WRNIP1: variants seen among roughly 807,000 people sequenced by gnomAD.
WRNIP1 encodes the protein WRN helicase interacting protein 1, also known as ATPase WRNIP1.
Under a neutral mutation model 56.1 loss-of-function variants are expected in WRNIP1, and 41 were observed. The observed-to-expected ratio is 0.73, with a 90% confidence interval of 0.57 to 0.95. The LOEUF is 0.95. Among genes scored for constraint, WRNIP1 ranks in the 40% least tolerant of loss-of-function variants. WRNIP1 has a pLI of 0.00. For missense variants in WRNIP1, 1,170 were observed against 939.4 expected, an observed-to-expected ratio of 1.25 and a Z score of -3.21; for synonymous variants, 547 against 398.1, an observed-to-expected ratio of 1.37 and a Z score of -4.45.
chr6:2,770,012 C>G (rs949456761), intron 2 of WRNIP1, 108 bp from the exon 3 acceptor site: 2 of 1,494,656 alleles, frequency 1.3e-6, no homozygotes, highest in Admixed American at 1.9e-5. Flanking sequence ...TTCCTGAACT[C>G]GAAAGATAAA....
chr6:2,783,653 T>TTTTTTTTTGGGG lies in WRNIP1; in HGVS notation c.1642+92_1642+93insTTTTTTTTGGGG. On this transcript the variant is annotated intron_variant, in intron 5 of 6. Coordinates refer to ENST00000380773, the MANE Select transcript of WRNIP1 (RefSeq NM_020135.3). ...TCGTGGCTTTTTTTTTTTTTTTTTT[T>TTTTTTTTTGGGG]GCAGGGCGGGGTGGGCGGGGGTAGC... 3.8e-4 allele frequency: 46 copies of TTTTTTTTTGGGG among 120,092 alleles called. 2 individuals are homozygous for TTTTTTTTTGGGG. The highest frequency in any genetic ancestry group is 1.6e-3 in the African/African-American group (18 of 11,082). The allele number at this position is 120,092 out of a possible 1,614,324, so 7.4% of individuals were successfully genotyped here.
chr6:2,765,987 T>G lies in WRNIP1; in HGVS notation c.365T>G (p.Leu122Arg). 2 of 1,395,506 alleles carry G rather than the reference T, an allele frequency of 1.4e-6. No homozygotes were observed. The highest frequency in any genetic ancestry group is 1.9e-6 in the Non-Finnish European group (2 of 1,073,068). 86.4% of individuals were successfully genotyped at this position (1,395,506 alleles called of 1,614,324 possible). A position where few individuals can be genotyped will look rare whatever the true frequency, so the allele number is the denominator to read the frequency against. ...CCGCCCACACCCAGCGGCGCCCGCC[T>G]TATCCCCGACTTCCCGGTGGCCCGC... ...DAPPTPSGARLIPDFPVARSS... is the reference protein window; with the variant it reads ...DAPPTPSGARRIPDFPVARSS... Residue 122 changes from leucine to arginine, a missense_variant, in exon 1 of 7, where the codon CTT (leucine) becomes CGT (arginine). Coordinates refer to ENST00000380773, the MANE Select transcript of WRNIP1 (RefSeq NM_020135.3).
chr6:2,779,937 A>G (rs1765517445), intron 4 of WRNIP1, among the ~76,000 whole-genome samples: 2 of 152,238 alleles, frequency 1.3e-5, no homozygotes, highest in Admixed American at 1.3e-4. Flanking sequence ...TAGAGTCTAT[A>G]CTAAAAAATA....
intron 4 of WRNIP1, among the ~76,000 whole-genome samples, chr6:2,781,291 T>C (rs1765554921): frequency 6.6e-6 from 1 of 152,228 alleles, no homozygotes; most frequent in Non-Finnish European, 1.5e-5. Flanking sequence ...CTAGTGCCGC[T>C]GCCTAGTGCC....
At chr6:2,767,363 G>A (rs1193071094) in intron 1 of WRNIP1, among the ~76,000 whole-genome samples, 2 of 152,244 alleles carry the variant, frequency 1.3e-5, no homozygotes, top group African/African-American at 4.8e-5. Context: ...ACTGTAAAGA[G>A]TTCTTGTAGC....
chr6:2,766,270 G>A lies in WRNIP1; in HGVS notation c.648G>A (p.Glu216=). 1 of 1,571,486 alleles carries A rather than the reference G, an allele frequency of 6.4e-7. No individual in the cohort carries two copies. Among genetic ancestry groups the A allele is most frequent in the Non-Finnish European group, 8.6e-7 (1 of 1,161,028 alleles). Residue 216 remains glutamate, a synonymous_variant, in exon 1 of 7, where the codon GAG becomes GAA. Transcript: ENST00000380773. ...CGCACCCCCGGGCGCTGGCTGCCGA[G>A]GAGATCCGACAGATGCTACAGGGCA... ...GRPHPRALAA[E]EIRQMLQGKP...
At chr6:2,767,171 G>A (rs558131652) in intron 1 of WRNIP1, among the ~76,000 whole-genome samples, 14 of 152,206 alleles carry the variant, frequency 9.2e-5, no homozygotes, top group Non-Finnish European at 2.1e-4. Flanking sequence ...CGTTCCAGAT[G>A]AGGGCAGTTA....
chr6:2,780,015 T>A (rs1383437151), intron 4 of WRNIP1, among the ~76,000 whole-genome samples: 6 of 151,988 alleles, frequency 3.9e-5, no homozygotes, highest in African/African-American at 1.5e-4. Flanking sequence ...CTGTGTGCAC[T>A]TATCTGTTTT....
rs1218937918 is a variant in WRNIP1 at position 2,766,309 on chromosome 6, C to T, written c.687C>T (p.Asp229=). 1.2e-6 allele frequency: 2 copies of T among 1,609,830 alleles called. No individual in the cohort carries two copies. Among genetic ancestry groups the T allele is most frequent in the Non-Finnish European group, 1.7e-6 (2 of 1,178,726 alleles). The change falls in exon 1 of 7, where the codon GAC becomes GAT. Residue 229 remains aspartate, a synonymous_variant. Coordinates refer to ENST00000380773, the MANE Select transcript of WRNIP1 (RefSeq NM_020135.3). The stretch of plus-strand genomic sequence containing the variant: ...TGCTACAGGGCAAGCCGCTGGCCGA[C>T]ACGATGCGTCCTGACACGCTGCAGG... ...RQMLQGKPLA[D]TMRPDTLQDY...
Position 2,783,438 on chromosome 6 carries a change from C to G in WRNIP1, c.1519C>G (p.His507Asp). The stretch of plus-strand genomic sequence containing the variant: ...GCATTACAACTGCATCTCCGCCCTG[C>G]ACAAGTCCATGCGGGGCTCAGACCA... ...EEHYNCISAL[H>D]KSMRGSDQNA... is the part of the protein sequence containing the mutation. Residue 507 changes from histidine to aspartate, a missense_variant, in exon 5 of 7, where the codon CAC (histidine) becomes GAC (aspartate). Transcript: ENST00000380773. The G allele has an allele frequency of 3.7e-6, 6 of 1,612,746 alleles. No homozygotes were observed. The highest frequency in any genetic ancestry group is 5.1e-6 in the Non-Finnish European group (6 of 1,179,282).
chr6:2,777,416 G>A (rs1038903130), intron 3 of WRNIP1, among the ~76,000 whole-genome samples: 2 of 152,308 alleles, frequency 1.3e-5, no homozygotes, highest in Admixed American at 1.3e-4. Flanking sequence ...ATCCAATGGG[G>A]CTCCTGCTTT....
At chr6:2,781,058 T>C (rs1429451243) in intron 4 of WRNIP1, among the ~76,000 whole-genome samples, 1 of 152,122 alleles carries the variant, frequency 6.6e-6, no homozygotes, top group Non-Finnish European at 1.5e-5. Flanking sequence ...AGACTGTCCT[T>C]CCCCCCGTCC....
chr6:2,783,083 C>CT (rs1438480219), intron 4 of WRNIP1, among the ~76,000 whole-genome samples: 2 of 151,844 alleles, frequency 1.3e-5, no homozygotes, highest in Non-Finnish European at 2.9e-5. Context: ...AGACTCGTCC[C>CT]CCTCCACTCT....
intron 3 of WRNIP1, chr6:2,772,912 C>T: frequency 1.1e-6 from 1 of 939,400 alleles, no homozygotes; most frequent in Non-Finnish European, 1.3e-6. Flanking sequence ...GACTTCCAAC[C>T]CCATATACTT....
At chr6:2,770,827 T>G (rs1397784588) in intron 3 of WRNIP1, among the ~76,000 whole-genome samples, 1 of 152,156 alleles carries the variant, frequency 6.6e-6, no homozygotes, top group Non-Finnish European at 1.5e-5. Flanking sequence ...AAAAATCAAG[T>G]AAAAATTAAC....
intron 3 of WRNIP1, among the ~76,000 whole-genome samples, chr6:2,771,323 T>C (rs1765270711): frequency 6.6e-6 from 1 of 152,242 alleles, no homozygotes; most frequent in Non-Finnish European, 1.5e-5. Flanking sequence ...AGAATTCTGC[T>C]GTGTCTAATG....
intron 4 of WRNIP1, among the ~76,000 whole-genome samples, chr6:2,782,487 G>T (rs145023017): frequency 7.2e-4 from 110 of 152,342 alleles, no homozygotes; most frequent in African/African-American, 2.6e-3. Context: ...CAGGGTTTGT[G>T]GCTGGCGCCA....
chr6:2,772,848 A>T, intron 3 of WRNIP1: 1 of 595,544 alleles, frequency 1.7e-6, no homozygotes, highest in Non-Finnish European at 2.1e-6. Flanking sequence ...AGCTCTATAT[A>T]CATCCTTGTG....
chr6:2,773,624 T>C (rs1765362053), intron 3 of WRNIP1: 15 of 985,310 alleles, frequency 1.5e-5, no homozygotes, highest in Non-Finnish European at 1.8e-5. Flanking sequence ...AGGAAAAAAA[T>C]GTCCATGATT....
Sources: allele counts gnomAD v4.1 joint callset (sites outside exome capture counted in the v4.1 genomes callset), GRCh38; gene constraint gnomAD v4.1.1; transcripts MANE v1.5; gene names NCBI Gene and HGNC (gene_info 2026-07-23, HGNC 2026-07-21).